PLXNA4: variants seen among roughly 807,000 people sequenced by gnomAD.
The protein encoded by PLXNA4 is plexin A4.
In PLXNA4, 44 loss-of-function variants were observed where a neutral mutation model predicts 191.8. The ratio of observed to expected loss-of-function variants is 0.23; its 90% CI spans 0.18 to 0.29. PLXNA4 has a LOEUF of 0.29. Among genes scored for constraint, PLXNA4 ranks in the 10% least tolerant of loss-of-function variants. The pLI, the probability that PLXNA4 is intolerant of heterozygous loss-of-function variation, is 1.00. For missense variants in PLXNA4, 1,800 were observed against 2,488.8 expected (o/e 0.72, Z 5.89); for synonymous variants, 1,082 against 1,009.5 (o/e 1.07, Z -1.36).
chr7:132,234,381 A>G (rs1466478451), intron 5 of PLXNA4, among the ~76,000 whole-genome samples: 4 of 152,212 alleles, frequency 2.6e-5, no homozygotes, highest in African/African-American at 9.6e-5. Flanking sequence ...GGCCCAGTGC[A>G]GCATGATTGA....
At chr7:132,315,849 C>T (rs1301083713) in intron 3 of PLXNA4, among the ~76,000 whole-genome samples, 3 of 152,140 alleles carry the variant, frequency 2.0e-5, no homozygotes, top group Admixed American at 1.3e-4. Context: ...GAAAGTGCCA[C>T]GTGTGTGCAG....
At chr7:132,438,246 C>T (rs1795551403) in intron 3 of PLXNA4, among the ~76,000 whole-genome samples, 1 of 152,170 alleles carries the variant, frequency 6.6e-6, no homozygotes, top group Non-Finnish European at 1.5e-5. Flanking sequence ...CTTAGAGCTT[C>T]AGTGTCCTCA....
intron 3 of PLXNA4, among the ~76,000 whole-genome samples, chr7:132,370,746 C>T (rs1288369011): frequency 1.3e-5 from 2 of 152,144 alleles, no homozygotes; most frequent in Non-Finnish European, 2.9e-5. Flanking sequence ...CTATTGACTC[C>T]TTATCACCCC....
At position 132,508,199 on chromosome 7, in the gene PLXNA4, C is replaced by G. The variant is rs1798561347; in HGVS notation, c.495G>C (p.Glu165Asp). The change falls in exon 2 of 32, where the codon GAG becomes GAC. Residue 165 changes from glutamate (E) to aspartate (D), a missense_variant. Coordinates refer to ENST00000321063, the MANE Select transcript of PLXNA4 (RefSeq NM_020911.2). The surrounding 1 kb of genome is among the most constrained non-coding windows in gnomAD (Gnocchi z 4.4). The part of the protein sequence containing the change: ...KKEHYLSGVN[E>D]SGSVFGVIVS... ...CGATCACTCCAAAGACTGAGCCGCT[C>G]TCGTTGACACCTGACAGATAGTGCT... 6.2e-7 allele frequency: 1 copy of G among 1,614,102 alleles called. No individual in the cohort carries two copies. Among genetic ancestry groups the G allele is most frequent in the South Asian group, 1.1e-5 (1 of 91,086 alleles).
chr7:132,604,474 T>C (rs777540556), intron 2 of PLXNA4, among the ~76,000 whole-genome samples: 27 of 152,240 alleles, frequency 1.8e-4, no homozygotes, highest in Non-Finnish European at 3.8e-4. Flanking sequence ...AATAAGGTTC[T>C]CTGTCTCGTG....
At chr7:132,373,305 G>T (rs1210017748) in intron 3 of PLXNA4, among the ~76,000 whole-genome samples, 1 of 152,140 alleles carries the variant, frequency 6.6e-6, no homozygotes, top group African/African-American at 2.4e-5. Flanking sequence ...ACTCAGTCTT[G>T]CAATGTTCTC....
At chr7:132,244,295 C>G (rs1798975776) in intron 4 of PLXNA4, among the ~76,000 whole-genome samples, 1 of 152,142 alleles carries the variant, frequency 6.6e-6, no homozygotes, top group Admixed American at 6.5e-5. Context: ...GACAAAGTCT[C>G]TCAGGTCAGC....
intron 3 of PLXNA4, among the ~76,000 whole-genome samples, chr7:132,473,391 C>A (rs1368928496): frequency 6.6e-6 from 1 of 152,138 alleles, no homozygotes; most frequent in Non-Finnish European, 1.5e-5. Flanking sequence ...CAAAAGCAGT[C>A]CCAGGAGGGC....
In PLXNA4 at chr7:132,369,189, G is replaced by A. The variant is rs752477080; in HGVS notation, c.1372-70967C>T. 3.3e-5 allele frequency among the ~76,000 whole-genome samples: 5 copies of A among 152,056 alleles called. 1 individual carries two copies. The highest frequency in any genetic ancestry group is 3.9e-4 in the East Asian group (2 of 5,178). ...CTCCTTTCAACTTCCTCTTCCCCTC[G>A]GGCAAAATCAGCAGCAGAGACAGGA... On this transcript the variant is annotated intron_variant, in intron 3 of 31. Transcript: ENST00000321063.
chr7:132,462,749 A>G (rs1270478413), intron 3 of PLXNA4, among the ~76,000 whole-genome samples: 1 of 151,342 alleles, frequency 6.6e-6, no homozygotes, highest in Non-Finnish European at 1.5e-5. Flanking sequence ...AGCATTAATA[A>G]TTTTTTGAAG....
At chr7:132,539,870 G>A (rs1303914578) in intron 1 of PLXNA4, among the ~76,000 whole-genome samples, 1 of 152,186 alleles carries the variant, frequency 6.6e-6, no homozygotes. Flanking sequence ...AATCGTTCAA[G>A]GTCACTCAGC....
rs376402313 is a variant in PLXNA4 at position 132,298,071 on chromosome 7, C to G, written c.1503+20G>C. ...ATTTAACTGCAAGACAAATGTCTAG[C>G]GGAGCCCGAAGAGCCTTACCTGCCT... is the stretch of plus-strand genomic sequence containing the variant. On this transcript the variant is annotated intron_variant, in intron 4 of 31. Coordinates refer to ENST00000321063, the MANE Select transcript of PLXNA4 (RefSeq NM_020911.2). 66 of 1,614,020 alleles carry G rather than the reference C, an allele frequency of 4.1e-5. No individual in the cohort carries two copies. The highest frequency in any genetic ancestry group is 1.1e-5 in the Non-Finnish European group (13 of 1,179,990).
chr7:132,340,390 CA>C (rs534998235), intron 3 of PLXNA4, among the ~76,000 whole-genome samples: 96 of 152,312 alleles, frequency 6.3e-4, no homozygotes, highest in Middle Eastern at 3.4e-3. Context: ...CCTGGTCCAC[CA>C]AGGAGGGGCA....
intron 3 of PLXNA4, among the ~76,000 whole-genome samples, chr7:132,407,398 T>C (rs967240663): frequency 1.4e-4 from 22 of 152,284 alleles, no homozygotes; most frequent in African/African-American, 4.3e-4. Flanking sequence ...AAGTGTGTTT[T>C]TGAGTCCATT....
chr7:132,334,252 C>CTTTCTTTTTTT (rs1554417000), intron 3 of PLXNA4, among the ~76,000 whole-genome samples: 4 of 75,608 alleles, frequency 5.3e-5, no homozygotes, highest in Non-Finnish European at 9.6e-5. Flanking sequence ...TTCTTTCTTT[C>CTTTCTTTTTTT]TTTTTTTTTT....
intron 2 of PLXNA4, among the ~76,000 whole-genome samples, chr7:132,627,004 A>G (rs1803390021): frequency 6.6e-6 from 1 of 152,186 alleles, no homozygotes; most frequent in African/African-American, 2.4e-5. Context: ...GAAAATTTCA[A>G]TGGCTCCTGA....
At chr7:132,197,190 T>G (rs1357220267) in intron 13 of PLXNA4, among the ~76,000 whole-genome samples, 1 of 152,222 alleles carries the variant, frequency 6.6e-6, no homozygotes, top group Non-Finnish European at 1.5e-5. Context: ...AGTTTCATTT[T>G]TTTTAAACTT....
intron 4 of PLXNA4, among the ~76,000 whole-genome samples, chr7:132,295,157 G>T (rs1801030029): frequency 6.6e-6 from 1 of 152,098 alleles, no homozygotes; most frequent in Admixed American, 6.5e-5. Flanking sequence ...TCCAATTCTG[G>T]TTCAATGAGG....
chr7:132,166,175 G>A (rs1314395607), intron 22 of PLXNA4, among the ~76,000 whole-genome samples: 1 of 151,782 alleles, frequency 6.6e-6, no homozygotes, highest in South Asian at 2.1e-4. Context: ...CCAGCCTGGC[G>A]ACAGAGTGAG....
Sources: gnomAD v4.1 joint callset for allele counts (sites outside exome capture counted in the v4.1 genomes callset) on GRCh38, gnomAD v4.1.1 for gene constraint, Gnocchi (gnomAD v3.1) non-coding constraint, MANE v1.5 for transcripts, NCBI Gene and HGNC (gene_info 2026-07-23, HGNC 2026-07-21) for gene names.